TMC5: variants seen among roughly 807,000 people sequenced by gnomAD.
The protein encoded by TMC5 is transmembrane channel-like protein 5.
In TMC5, 86 loss-of-function variants were observed where a neutral mutation model predicts 110.5. The ratio of observed to expected loss-of-function variants is 0.78; its 90% CI spans 0.65 to 0.93. TMC5 has a LOEUF of 0.93. Ranked by LOEUF, TMC5 falls within the 40% of genes least tolerant of loss-of-function variation. The pLI is 0.00. For synonymous variants in TMC5, 455 were observed against 439.5 expected (o/e 1.04, Z -0.44); for missense variants, 1,144 against 1,222.8 (o/e 0.94, Z 0.96).
rs1968092511 is a variant in TMC5 at position 19,463,919 on chromosome 16, C to T, written c.1380C>T (p.Asn460=). 4 of 1,614,078 alleles carry T rather than the reference C, an allele frequency of 2.5e-6. No individual in the cohort carries two copies. The Admixed American group carries it at 5.0e-5, about 20-fold the overall frequency. The part of the protein sequence containing the change: ...FNFLRWLLKF[N]IFSFILNFSF... ...TTCTGAGATGGCTTTTGAAGTTCAACATTTTCTCATTCATCCTGAACTTCA... is the reference window on the plus strand; with the variant it reads ...TTCTGAGATGGCTTTTGAAGTTCAATATTTTCTCATTCATCCTGAACTTCA... Residue 460 remains asparagine (N), a synonymous_variant, in exon 8 of 22, where the codon AAC becomes AAT. Transcript: ENST00000542583.
intron 5 of TMC5, among the ~76,000 whole-genome samples, chr16:19,458,441 G>A (rs781246463): frequency 5.9e-5 from 9 of 152,018 alleles, no homozygotes; most frequent in Non-Finnish European, 1.0e-4. Flanking sequence ...TTGAACTCCC[G>A]ACCTCAGGTG....
At chr16:19,419,697 C>T (rs1350482741) in intron 1 of TMC5, among the ~76,000 whole-genome samples, 2 of 152,012 alleles carry the variant, frequency 1.3e-5, no homozygotes, top group African/African-American at 4.8e-5. Context: ...CAGGCGTGAG[C>T]CACCGCGCCG....
At chr16:19,463,026 C>T (rs1429155163) in intron 6 of TMC5, among the ~76,000 whole-genome samples, 1 of 152,152 alleles carries the variant, frequency 6.6e-6, no homozygotes, top group Non-Finnish European at 1.5e-5. Flanking sequence ...CCCCCCACCA[C>T]AGCCTCTGGA....
chr16:19,456,814 G>GTGT (rs1245708643), intron 5 of TMC5: 2 of 1,614,090 alleles, frequency 1.2e-6, no homozygotes, highest in African/African-American at 2.7e-5. Context: ...AAAAGGTGCT[G>GTGT]CTAGACTCAA....
intron 5 of TMC5, among the ~76,000 whole-genome samples, chr16:19,449,841 T>A (rs564306050): frequency 7.6e-6 from 1 of 132,398 alleles, no homozygotes; most frequent in South Asian, 2.2e-4. Context: ...CCTGCCCCCA[T>A]GTAAGATGTG....
At chr16:19,444,440 T>TA (rs200690667) in intron 4 of TMC5, among the ~76,000 whole-genome samples, 190 bp downstream of exon 4, 101 of 152,020 alleles carry the variant, frequency 6.6e-4, no homozygotes, top group African/African-American at 1.5e-3. Context: ...TCATCAATTA[T>TA]AAAAAAAATG....
chr16:19,413,893 C>A (rs960211600), upstream of TMC5, among the ~76,000 whole-genome samples: 2 of 152,216 alleles, frequency 1.3e-5, no homozygotes, highest in African/African-American at 4.8e-5. Context: ...AATGACTCAT[C>A]TGTAAACTGG....
chr16:19,418,458 A>G (rs1324614523), intron 1 of TMC5, among the ~76,000 whole-genome samples: 1 of 152,164 alleles, frequency 6.6e-6, no homozygotes, highest in Non-Finnish European at 1.5e-5. Flanking sequence ...TATCAGAGCT[A>G]ATAAAATACG....
chr16:19,414,662 C>A (rs1284787565), upstream of TMC5, among the ~76,000 whole-genome samples: 1 of 152,256 alleles, frequency 6.6e-6, no homozygotes, highest in East Asian at 1.9e-4. Context: ...ATCCCAGAAC[C>A]TTGGGAGGCT....
rs118179168 is a variant in TMC5 at position 19,482,186 on chromosome 16, T to C, written c.2363+721T>C. On this transcript the variant is annotated intron_variant, in intron 15 of 21. Coordinates refer to ENST00000542583, the MANE Select transcript of TMC5 (RefSeq NM_001261841.2). ...GTGATTCTCCTGCCTGTCTCCCAAGTAGCTGGGACTATAGGCATGTGCCAC... is the reference window on the plus strand; with the variant it reads ...GTGATTCTCCTGCCTGTCTCCCAAGCAGCTGGGACTATAGGCATGTGCCAC... Among the ~76,000 whole-genome samples, 889 of 152,298 alleles carry C rather than the reference T, an allele frequency of 5.8e-3. 53 individuals are homozygous for C. The East Asian group carries it at 0.14, about 24-fold the overall frequency.
At chr16:19,424,505 C>T (rs1030140378) in intron 1 of TMC5, among the ~76,000 whole-genome samples, 13 of 152,032 alleles carry the variant, frequency 8.6e-5, no homozygotes, top group East Asian at 1.9e-4. Context: ...GAAAATTAGA[C>T]GGGCACGGTG....
chr16:19,486,626 T>C (rs4780810), intron 15 of TMC5, among the ~76,000 whole-genome samples: 124,193 of 152,072 alleles, frequency 0.82, 51,020 homozygotes, highest in South Asian at 0.9. Context: ...ATTCACCCCC[T>C]CTTGGCCTCC....
At position 19,474,130 on chromosome 16, in the gene TMC5, G is replaced by A. The variant is rs149244637; in HGVS notation, c.1944G>A (p.Leu648=). 831 of 1,613,614 alleles carry A rather than the reference G, an allele frequency of 5.1e-4. 2 individuals carry two copies. The highest frequency in any genetic ancestry group is 1.0e-3 in the Middle Eastern group (6 of 5,754). Residue 648 remains leucine, a synonymous_variant, in exon 12 of 22, where the codon CTG becomes CTA. Transcript: ENST00000542583. The stretch of plus-strand genomic sequence containing the variant: ...CTCTCCCCCATCCCCTGCAGTTCCT[G>A]AAGACACACAGTAACCCTGGGGCGG... The part of the protein sequence containing the change: ...YYLAEYNLEF[L]KTHSNPGAVL...
intron 1 of TMC5, among the ~76,000 whole-genome samples, chr16:19,429,309 G>C (rs1361281786): frequency 2.0e-5 from 3 of 152,148 alleles, no homozygotes; most frequent in South Asian, 2.1e-4. Flanking sequence ...TTACAGGAAG[G>C]CTTTGTTAAT....
rs775019283 is a variant in TMC5 at position 19,440,394 on chromosome 16, A to T, written c.356A>T (p.His119Leu). The T allele has an allele frequency of 1.4e-5, 23 of 1,613,916 alleles. No individual in the cohort carries two copies. The highest frequency in any genetic ancestry group is 1.4e-5 in the Non-Finnish European group (16 of 1,179,968). Residue 119 changes from histidine (H) to leucine (L), a missense_variant, in exon 3 of 22, where the codon CAC (histidine) becomes CTC (leucine). His to Leu is a moderately conservative substitution (Grantham distance 99). Transcript: ENST00000542583. ...DYSEFQSHPY[H>L]RASSRQPDYP... is the part of the protein sequence containing the mutation. ...AGTGAATTTCAGAGTCATCCCTACC[A>T]CCGAGCATCATCCAGACAACCAGAC...
chr16:19,446,464 A>G (rs985057911), intron 4 of TMC5, among the ~76,000 whole-genome samples: 18 of 152,254 alleles, frequency 1.2e-4, no homozygotes, highest in Non-Finnish European at 1.5e-5. Flanking sequence ...AGTGGAACGT[A>G]TAACTGCAAG....
Position 19,490,483 on chromosome 16 carries a change from C to T in TMC5, c.2662C>T (p.Arg888Trp), listed in dbSNP as rs775783985. 41 of 1,614,024 alleles carry T rather than the reference C, an allele frequency of 2.5e-5. No individual in the cohort carries two copies. Among genetic ancestry groups the T allele is most frequent in the Admixed American group, 3.3e-5 (2 of 60,002 alleles). Reference protein sequence around the residue: ...IYSWIDTLSTRPGYLWVVWIY... With the variant: ...IYSWIDTLSTWPGYLWVVWIY... Reference sequence around the variant, plus strand: ...CAGCTGGATCGACACCCTAAGTACACGGCCTGGCTACCTGTGGGTTGTTTG... The same window carrying T: ...CAGCTGGATCGACACCCTAAGTACATGGCCTGGCTACCTGTGGGTTGTTTG... Residue 888 changes from arginine (R) to tryptophan (W), a missense_variant, in exon 18 of 22, where the codon CGG becomes TGG. Arg to Trp is a moderately radical substitution (Grantham distance 101). Coordinates refer to ENST00000542583, the MANE Select transcript of TMC5 (RefSeq NM_001261841.2).
intron 1 of TMC5, among the ~76,000 whole-genome samples, chr16:19,421,633 C>A (rs768797489): frequency 4.6e-5 from 7 of 152,136 alleles, no homozygotes; most frequent in Admixed American, 4.6e-4. Context: ...AAATTTGCAC[C>A]TCAGCTCAGC....
At chr16:19,446,776 G>A (rs1304146050) in intron 4 of TMC5, among the ~76,000 whole-genome samples, 1 of 152,138 alleles carries the variant, frequency 6.6e-6, no homozygotes, top group Non-Finnish European at 1.5e-5. Context: ...TAGAACATTG[G>A]AAGATAAAAT....
Sources: allele counts gnomAD v4.1 joint callset (sites outside exome capture counted in the v4.1 genomes callset), GRCh38; gene constraint gnomAD v4.1.1; transcripts MANE v1.5; gene names NCBI Gene and HGNC (gene_info 2026-07-23, HGNC 2026-07-21).